SPTBN4: variants seen among roughly 807,000 people sequenced by gnomAD.
SPTBN4 encodes the protein spectrin beta, non-erythrocytic 4.
A neutral mutation model predicts 277.8 loss-of-function variants in SPTBN4; 96 were observed. That is an observed-to-expected ratio of 0.35 (90% confidence interval 0.29 to 0.41). The LOEUF (loss-of-function observed/expected upper bound fraction) is 0.41, where lower values mean the gene tolerates loss of function less well. Ranked by LOEUF, SPTBN4 falls within the 10% of genes least tolerant of loss-of-function variation. The pLI is 1.00. For synonymous variants in SPTBN4, 1,481 were observed against 1,580.3 expected (o/e 0.94, Z 1.49); for missense variants, 3,006 against 3,595.7 (o/e 0.84, Z 4.19).
At chr19:40,572,220 G>A (rs1278078059) in intron 34 of SPTBN4, 28 bp downstream of exon 34, 3 of 1,594,590 alleles carry the variant, frequency 1.9e-6, no homozygotes, top group Non-Finnish European at 2.6e-6. Flanking sequence ...CAGGAGGGAG[G>A]GATCCAAGGC....
intron 17 of SPTBN4, among the ~76,000 whole-genome samples, chr19:40,527,134 T>A (rs1021958080): frequency 1.3e-5 from 2 of 152,148 alleles, no homozygotes; most frequent in East Asian, 3.8e-4. Context: ...ATACACTCTG[T>A]CTCTTTGCTT....
intron 2 of SPTBN4, among the ~76,000 whole-genome samples, chr19:40,474,932 G>C (rs1208391880): frequency 3.3e-5 from 5 of 151,936 alleles, no homozygotes; most frequent in Non-Finnish European, 7.4e-5. Context: ...ATGGGGTCTT[G>C]CTATGTTGCC....
chr19:40,523,702 G>T, intron 17 of SPTBN4, 63 bp downstream of exon 17: 2 of 1,493,458 alleles, frequency 1.3e-6, no homozygotes, highest in South Asian at 2.6e-5. Context: ...GCATAGGGGA[G>T]TGGTGTGGGA....
rs748500087 is a variant in SPTBN4 at position 40,575,597 on chromosome 19, T to C, written c.*28T>C. On this transcript the variant is annotated 3_prime_UTR_variant, in exon 36 of 36. Coordinates refer to ENST00000598249, the MANE Select transcript of SPTBN4 (RefSeq NM_020971.3). ...TCCCACCCCCAGGACCTGACACATCTCGTCTCCCCTCTTTTCCGCACTGTG... is the reference window on the plus strand; with the variant it reads ...TCCCACCCCCAGGACCTGACACATCCCGTCTCCCCTCTTTTCCGCACTGTG... 1.3e-6 allele frequency: 2 copies of C among 1,592,776 alleles called. No individual in the cohort carries two copies. Among genetic ancestry groups the C allele is most frequent in the Non-Finnish European group, 1.7e-6 (2 of 1,169,632 alleles).
At chr19:40,480,476 A>T (rs1167362519) in intron 2 of SPTBN4, among the ~76,000 whole-genome samples, 1 of 151,946 alleles carries the variant, frequency 6.6e-6, no homozygotes, top group Non-Finnish European at 1.5e-5. Flanking sequence ...TCCTCATGCC[A>T]CCTCCCTATC....
chr19:40,503,655 TG>T (rs1568783195), intron 11 of SPTBN4, among the ~76,000 whole-genome samples, 174 bp from the exon 12 acceptor site: 1 of 151,398 alleles, frequency 6.6e-6, no homozygotes, highest in Non-Finnish European at 1.5e-5. Flanking sequence ...AGGGTGGGGC[TG>T]GTCTCCAGGT....
rs571949653 is a variant in SPTBN4, at chr19:40,563,021, G to A, written c.5916-2402G>A. On this transcript the variant is annotated intron_variant, in intron 27 of 35. Transcript: ENST00000598249. ...GGCCAGGAGTTTGAGACTACCCTACGCAACATAGTGAGACCCCATCTCTAC... is the reference window on the plus strand; with the variant it reads ...GGCCAGGAGTTTGAGACTACCCTACACAACATAGTGAGACCCCATCTCTAC... Among the ~76,000 whole-genome samples, 9 of 151,918 alleles carry A rather than the reference G, an allele frequency of 5.9e-5. No individual in the cohort carries two copies. The East Asian group carries it at 1.4e-3, about 23-fold the overall frequency.
Position 40,532,727 on chromosome 19 carries a change from G to A in SPTBN4, c.4051G>A (p.Ala1351Thr). 1 of 1,613,496 alleles carries A rather than the reference G, an allele frequency of 6.2e-7. No individual in the cohort carries two copies. The highest frequency in any genetic ancestry group is 8.5e-7 in the Non-Finnish European group (1 of 1,179,624). ...ATGGCTCCGGCACCAGGCATTCATGGCCGAGCTGGCTCAGAATAAGGAGTG... is the reference window on the plus strand; with the variant it reads ...ATGGCTCCGGCACCAGGCATTCATGACCGAGCTGGCTCAGAATAAGGAGTG... The part of the protein sequence containing the change: ...KRWLRHQAFM[A>T]ELAQNKEWLE... Residue 1351 changes from alanine (A) to threonine (T), a missense_variant, in exon 19 of 36, where the codon GCC (alanine) becomes ACC (threonine). Transcript: ENST00000598249.
Position 40,567,628 on chromosome 19 carries a change from C to T in SPTBN4, c.6337-35C>T, listed in dbSNP as rs568679614. 1.8e-5 allele frequency: 25 copies of T among 1,424,092 alleles called. No individual in the cohort carries two copies. The South Asian group carries it at 3.6e-4, about 21-fold the overall frequency. 88.2% of individuals were successfully genotyped at this position (1,424,092 alleles called of 1,614,324 possible). On this transcript the variant is annotated intron_variant, in intron 30 of 35. Transcript: ENST00000598249. ...TCCCCCTTACCCCGCCCCGGCCCCA[C>T]GCCTCCAACCTAACCCTGGTCCCTC...
chr19:40,528,447 C>T (rs2080620855), intron 17 of SPTBN4, among the ~76,000 whole-genome samples: 1 of 152,252 alleles, frequency 6.6e-6, no homozygotes, highest in Admixed American at 6.5e-5. Context: ...TCTTCCCTCT[C>T]TCCAACTCTG....
Position 40,566,323 on chromosome 19 carries a change from G to T in SPTBN4, c.6300G>T (p.Trp2100Cys). Residue 2100 changes from tryptophan to cysteine, a missense_variant, in exon 30 of 36, where the codon TGG becomes TGT. Physicochemically the swap from Trp to Cys is radical, Grantham distance 215. Transcript: ENST00000598249. Reference sequence around the variant, plus strand: ...CCTTCCGCAAAGCGGCTGCAGCCTGGGAAGAGAGGTTCAGCTCTCTGCGGC... The same window carrying T: ...CCTTCCGCAAAGCGGCTGCAGCCTGTGAAGAGAGGTTCAGCTCTCTGCGGC... ...HEAFRKAAAA[W>C]EERFSSLRRL... The T allele has an allele frequency of 2.5e-6, 4 of 1,591,188 alleles. No individual in the cohort carries two copies. The highest frequency in any genetic ancestry group is 2.6e-6 in the Non-Finnish European group (3 of 1,169,116).
intron 6 of SPTBN4, among the ~76,000 whole-genome samples, chr19:40,496,512 G>A (rs1377449859): frequency 6.6e-6 from 1 of 152,080 alleles, no homozygotes; most frequent in Non-Finnish European, 1.5e-5. Flanking sequence ...TCAAACTCCT[G>A]ACCTCAAGTG....
At chr19:40,504,874 A>G (rs2145851861) in intron 12 of SPTBN4, among the ~76,000 whole-genome samples, 1 of 152,180 alleles carries the variant, frequency 6.6e-6, no homozygotes, top group East Asian at 1.9e-4. Context: ...AGAAATGAAA[A>G]AAGACATAGA....
intron 5 of SPTBN4, among the ~76,000 whole-genome samples, chr19:40,494,178 C>T (rs2080169028): frequency 6.6e-6 from 1 of 152,102 alleles, no homozygotes; most frequent in Admixed American, 6.6e-5. Context: ...TGGAGGTGGG[C>T]TTCTCTGACT....
intron 25 of SPTBN4, 117 bp downstream of exon 25, chr19:40,556,405 A>G (rs2080979550): frequency 2.2e-6 from 2 of 896,046 alleles, no homozygotes; most frequent in Non-Finnish European, 3.3e-6. Flanking sequence ...CTCTGCTGTG[A>G]GACAAATGAG....
intron 15 of SPTBN4, among the ~76,000 whole-genome samples, chr19:40,516,626 C>T (rs911760371): frequency 1.3e-5 from 2 of 152,012 alleles, no homozygotes; most frequent in African/African-American, 4.8e-5. Flanking sequence ...GAGTTCGAGA[C>T]CAGCCTGACC....
At chr19:40,553,369 C>T (rs942690781) in intron 22 of SPTBN4, among the ~76,000 whole-genome samples, 2 of 152,126 alleles carry the variant, frequency 1.3e-5, no homozygotes, top group African/African-American at 4.8e-5. Context: ...GTAGTCCCAG[C>T]CGCTTGGGAG....
chr19:40,484,482 C>G (rs2080046528), intron 2 of SPTBN4, among the ~76,000 whole-genome samples: 1 of 152,128 alleles, frequency 6.6e-6, no homozygotes, highest in Admixed American at 6.6e-5. Flanking sequence ...ATGATCAACA[C>G]AGTTGGCAGG....
Position 40,471,435 on chromosome 19 carries a change from A to G in SPTBN4, c.-15-1172A>G, listed in dbSNP as rs111403633. ...ACTGACCACAGTGCAAGTGTTCAAT[A>G]TGTTCATTATTGTTATTACTGCATT... On this transcript the variant is annotated intron_variant, in intron 1 of 35. Coordinates refer to ENST00000598249, the MANE Select transcript of SPTBN4 (RefSeq NM_020971.3). 3.6e-3 allele frequency among the ~76,000 whole-genome samples: 542 copies of G among 152,352 alleles called. 2 individuals carry two copies. The highest frequency in any genetic ancestry group is 0.01 in the African/African-American group (422 of 41,584).
Sources: allele counts gnomAD v4.1 joint callset (sites outside exome capture counted in the v4.1 genomes callset), GRCh38; gene constraint gnomAD v4.1.1; transcripts MANE v1.5; gene names NCBI Gene and HGNC (gene_info 2026-07-23, HGNC 2026-07-21).